The following GALNT13 variants were observed in gnomAD, a reference collection of about 807,000 sequenced individuals.
GALNT13 encodes UDP-GalNAc:polypeptide N-acetylgalactosaminyltransferase 13.
A neutral mutation model predicts 64.2 loss-of-function variants in GALNT13; 28 were observed. That is an observed-to-expected ratio of 0.44 (90% confidence interval 0.32 to 0.60). The LOEUF is 0.60. Ranked by LOEUF, GALNT13 falls within the 20% of genes least tolerant of loss-of-function variation. The pLI, the probability that GALNT13 is intolerant of heterozygous loss-of-function variation, is 0.05. For missense variants in GALNT13, 577 were observed against 669.8 expected (o/e 0.86, Z 1.53); for synonymous variants, 214 against 224.6 (o/e 0.95, Z 0.42).
At chr2:154,154,420 A>G (rs1012325782) in intron 4 of GALNT13, among the ~76,000 whole-genome samples, 1 of 152,186 alleles carries the variant, frequency 6.6e-6, no homozygotes, top group East Asian at 1.9e-4. Context: ...CTTAAAAACA[A>G]TTTTATTTAG....
chr2:154,455,235 G>A (rs147896091), downstream of GALNT13, among the ~76,000 whole-genome samples: 1,025 of 152,202 alleles, frequency 6.7e-3, 8 homozygotes, highest in African/African-American at 0.023. Flanking sequence ...GTCTCCCACC[G>A]CACATGGTTT....
chr2:153,180,640 C>T, the GALNT13 span, among the ~76,000 whole-genome samples: 3 of 152,010 alleles, frequency 2.0e-5, no homozygotes, highest in Non-Finnish European at 4.4e-5. Flanking sequence ...CAGTGAAGCC[C>T]TCAGGTTCTG....
At chr2:154,284,943 C>T (rs567338948) in intron 8 of GALNT13, among the ~76,000 whole-genome samples, 1 of 152,182 alleles carries the variant, frequency 6.6e-6, no homozygotes, top group South Asian at 2.1e-4. Flanking sequence ...GAGGTGATAT[C>T]TCATGTGGTT....
chr2:154,220,861 G>A (rs943519307), intron 4 of GALNT13, among the ~76,000 whole-genome samples: 1 of 152,006 alleles, frequency 6.6e-6, no homozygotes, highest in Admixed American at 6.6e-5. Context: ...TAAGACACTT[G>A]TGCTTTAGTT....
At chr2:153,376,571 T>G in the GALNT13 span, among the ~76,000 whole-genome samples, 1 of 152,138 alleles carries the variant, frequency 6.6e-6, no homozygotes, top group African/African-American at 2.4e-5. Flanking sequence ...GTTGAACACA[T>G]ACAAACAGGG....
At chr2:154,054,154 T>C (rs1383314964) in intron 3 of GALNT13, among the ~76,000 whole-genome samples, 1 of 152,100 alleles carries the variant, frequency 6.6e-6, no homozygotes, top group Admixed American at 6.5e-5. Context: ...TTTTATCTTT[T>C]GAGTCTATAT....
the GALNT13 span, among the ~76,000 whole-genome samples, chr2:153,346,486 C>T: frequency 1.3e-5 from 2 of 152,092 alleles, no homozygotes. Flanking sequence ...CAAAAGTTCT[C>T]TCCATGTGGA....
intron 4 of GALNT13, among the ~76,000 whole-genome samples, chr2:154,239,565 T>C (rs1025321063): frequency 1.3e-5 from 2 of 152,138 alleles, no homozygotes; most frequent in African/African-American, 4.8e-5. Context: ...TAAGTTTATT[T>C]AGTGATGAGC....
the GALNT13 span, among the ~76,000 whole-genome samples, chr2:153,310,989 T>C: frequency 6.6e-6 from 1 of 152,216 alleles, no homozygotes; most frequent in Non-Finnish European, 1.5e-5. Flanking sequence ...TGTGATGCCT[T>C]TTAAATCTTC....
chr2:153,081,403 A>G, the GALNT13 span, among the ~76,000 whole-genome samples: 1 of 152,130 alleles, frequency 6.6e-6, no homozygotes, highest in Non-Finnish European at 1.5e-5. Context: ...TAAAATGTAT[A>G]ATTAAGCTAT....
the GALNT13 span, among the ~76,000 whole-genome samples, chr2:153,458,904 C>T: frequency 6.6e-6 from 1 of 152,048 alleles, no homozygotes; most frequent in Non-Finnish European, 1.5e-5. Context: ...AAATTCCATA[C>T]TATTGGCCTT....
intron 3 of GALNT13, among the ~76,000 whole-genome samples, chr2:153,998,546 C>T (rs542462292): frequency 6.6e-6 from 1 of 152,118 alleles, no homozygotes; most frequent in Admixed American, 6.5e-5. Flanking sequence ...GGAGATTAGC[C>T]CTTTGCCAGA....
chr2:154,069,871 G>T (rs1246278941), intron 3 of GALNT13, among the ~76,000 whole-genome samples: 1 of 151,994 alleles, frequency 6.6e-6, no homozygotes, highest in African/African-American at 2.4e-5. Context: ...ATTCATGTTT[G>T]TCCCCAAGTA....
chr2:154,352,521 A>T (rs1415914040), intron 9 of GALNT13, among the ~76,000 whole-genome samples: 1 of 152,144 alleles, frequency 6.6e-6, no homozygotes, highest in Non-Finnish European at 1.5e-5. Flanking sequence ...TACTTTTATT[A>T]CTCCCAGATT....
chr2:153,484,242 C>T, the GALNT13 span, among the ~76,000 whole-genome samples: 4 of 152,032 alleles, frequency 2.6e-5, no homozygotes, highest in African/African-American at 9.7e-5. Context: ...ATAGTAAATA[C>T]AATTTTATAC....
intron 3 of GALNT13, among the ~76,000 whole-genome samples, chr2:153,984,418 C>T (rs1694662168): frequency 6.6e-6 from 1 of 151,718 alleles, no homozygotes; most frequent in African/African-American, 2.4e-5. Context: ...GAGAAGTTAA[C>T]ATTCAAATAC....
chr2:154,449,592 G>C (rs1264568515), intron 12 of GALNT13, among the ~76,000 whole-genome samples: 2 of 151,522 alleles, frequency 1.3e-5, no homozygotes, highest in South Asian at 2.1e-4. Flanking sequence ...ATGATCCTAG[G>C]TATTGCCCAT....
intron 3 of GALNT13, among the ~76,000 whole-genome samples, chr2:154,119,817 G>A (rs1015150704): frequency 1.3e-5 from 2 of 151,844 alleles, no homozygotes; most frequent in Non-Finnish European, 2.9e-5. Flanking sequence ...AATCATTTTT[G>A]TGTATTGTTT....
intron 6 of GALNT13, among the ~76,000 whole-genome samples, chr2:154,244,027 A>C (rs1327203770): frequency 2.0e-5 from 3 of 152,176 alleles, no homozygotes; most frequent in Non-Finnish European, 4.4e-5. Context: ...TACAGTACCC[A>C]CAGGACAATC....
Sources: gnomAD v4.1 joint callset for allele counts (sites outside exome capture counted in the v4.1 genomes callset) on GRCh38, gnomAD v4.1.1 for gene constraint, MANE v1.5 for transcripts, NCBI Gene and HGNC (gene_info 2026-07-23, HGNC 2026-07-21) for gene names.